PHF20L1: variants seen among roughly 807,000 people sequenced by gnomAD.
PHF20L1 encodes PHD finger protein 20 like 1, also known as PHD finger protein 20-like protein 1.
A neutral mutation model predicts 125.5 loss-of-function variants in PHF20L1; 44 were observed. The observed-to-expected ratio is 0.35, with a 90% CI of 0.28 to 0.45. The LOEUF is 0.45. PHF20L1 is among the 20% of genes least tolerant of loss of function. PHF20L1 has a pLI of 1.00. For missense variants in PHF20L1, 1,012 were observed against 1,217.2 expected (o/e 0.83, Z 2.51); for synonymous variants, 380 against 403.1 (o/e 0.94, Z 0.69).
In PHF20L1 at chr8:132,832,370, CA is replaced by C. The variant is rs1372904781; in HGVS notation, c.1882del (p.Ile628PhefsTer14). ...EKTTTYQYPRAILSVDLSGEN... is the reference protein window; with the variant it reads ...EKTTTYQYPRXILSVDLSGEN... ...ACTACAACCTATCAGTACCCAAGGG[CA>C]ATTCTATCCGTTGATCTTAGTGGTG... On this transcript the variant is annotated frameshift_variant, in exon 15 of 21. Transcript: ENST00000395386. LOFTEE classifies it high-confidence loss of function. 1 of 1,611,734 alleles carries C rather than the reference CA, an allele frequency of 6.2e-7. No individual in the cohort carries two copies. The highest frequency in any genetic ancestry group is 8.5e-7 in the Non-Finnish European group (1 of 1,178,462).
Position 132,836,630 on chromosome 8 carries a change from A to G in PHF20L1, c.2000A>G (p.Asn667Ser), listed in dbSNP as rs1342606856. The stretch of plus-strand genomic sequence containing the variant: ...TACAATCAGGACTTTGATTCAACCA[A>G]TTTTGAGGAATCTCAGGATGAGGAT... ...DEYNQDFDST[N>S]FEESQDEDDA... Residue 667 changes from asparagine (N) to serine (S), a missense_variant, in exon 16 of 21, where the codon AAT becomes AGT. Physicochemically the swap from Asn to Ser is conservative, Grantham distance 46. This residue lies in a region of PHF20L1 where 320 missense variants were observed against 293.8 expected (regional missense o/e 1.09). Transcript: ENST00000395386. The G allele has an allele frequency of 1.2e-6, 2 of 1,613,050 alleles. No homozygotes were observed. Among genetic ancestry groups the G allele is most frequent in the South Asian group, 1.1e-5 (1 of 91,050 alleles).
At chr8:132,833,656 T>C (rs570337700) in intron 15 of PHF20L1, among the ~76,000 whole-genome samples, 18 of 152,192 alleles carry the variant, frequency 1.2e-4, no homozygotes, top group African/African-American at 3.9e-4. Context: ...ATCATCAAGA[T>C]CTGAAGATTA....
rs986860079 is a variant in PHF20L1 at position 132,847,749 on chromosome 8, T to C, written c.*1826T>C. 1 of 152,634 alleles carries C rather than the reference T, an allele frequency of 6.6e-6. No homozygotes were observed. Among genetic ancestry groups the C allele is most frequent in the African/African-American group, 2.4e-5 (1 of 41,460 alleles). 9.5% of individuals were successfully genotyped at this position (152,634 alleles called of 1,614,324 possible). ...TATCATCCTGTGTATTTACTTGTCA[T>C]ACTTTAACTTTGTGAAAGATCTTAC... On this transcript the variant is annotated 3_prime_UTR_variant, in exon 21 of 21. Coordinates refer to ENST00000395386, the MANE Select transcript of PHF20L1 (RefSeq NM_016018.5).
intron 12 of PHF20L1, among the ~76,000 whole-genome samples, chr8:132,820,721 C>G (rs1835487928): frequency 6.6e-6 from 1 of 151,846 alleles, no homozygotes; most frequent in Non-Finnish European, 1.5e-5. Context: ...TTTTACTTAT[C>G]ATTAATCAGG....
chr8:132,776,559 C>G (rs1829797395), intron 1 of PHF20L1, among the ~76,000 whole-genome samples: 1 of 152,186 alleles, frequency 6.6e-6, no homozygotes, highest in Non-Finnish European at 1.5e-5. Context: ...GATACCCACT[C>G]TCCCCCTCCA....
intron 15 of PHF20L1, among the ~76,000 whole-genome samples, chr8:132,835,370 CG>C (rs1837241069): frequency 6.6e-6 from 1 of 152,092 alleles, no homozygotes; most frequent in African/African-American, 2.4e-5. Context: ...CAGCATTATA[CG>C]ATGTTCTGTT....
intron 2 of PHF20L1, chr8:132,789,037 G>A (rs1024127204): frequency 9.2e-5 from 14 of 152,190 alleles, no homozygotes; most frequent in Middle Eastern, 3.4e-3. Context: ...AGTTAATAAT[G>A]TGAGCCAGAA....
At chr8:132,784,843 T>C (rs561591829) in intron 2 of PHF20L1, among the ~76,000 whole-genome samples, 20 of 152,302 alleles carry the variant, frequency 1.3e-4, no homozygotes, top group African/African-American at 4.8e-4. Context: ...GTTGTGAGTA[T>C]ATGTCTGGCA....
chr8:132,826,162 A>G (rs1281947870), intron 14 of PHF20L1: 2 of 152,138 alleles, frequency 1.3e-5, no homozygotes, highest in African/African-American at 2.4e-5. Context: ...AAATCTAACA[A>G]TGTGTTAAAA....
At chr8:132,779,606 T>C (rs898824211) in intron 2 of PHF20L1, among the ~76,000 whole-genome samples, 2 of 152,222 alleles carry the variant, frequency 1.3e-5, no homozygotes, top group Non-Finnish European at 2.9e-5. Context: ...TGAGCTAGCT[T>C]CCAGTTTTGG....
Position 132,823,984 on chromosome 8 carries a change from A to T in PHF20L1, c.1580-20A>T, listed in dbSNP as rs1419206507. ...TAAGTTTTTCTGATTAAACTTACATATTTTTCCCCTAACCCACAGGAATAT... is the reference window on the plus strand; with the variant it reads ...TAAGTTTTTCTGATTAAACTTACATTTTTTTCCCCTAACCCACAGGAATAT... On this transcript the variant is annotated intron_variant, in intron 12 of 20. Coordinates refer to ENST00000395386, the MANE Select transcript of PHF20L1 (RefSeq NM_016018.5). 1 of 1,496,684 alleles carries T rather than the reference A, an allele frequency of 6.7e-7. No homozygotes were observed. Among genetic ancestry groups the T allele is most frequent in the African/African-American group, 1.4e-5 (1 of 70,916 alleles). 92.7% of individuals were successfully genotyped at this position (1,496,684 alleles called of 1,614,324 possible).
intron 13 of PHF20L1, 152 bp from the exon 14 acceptor site, chr8:132,825,112 G>T (rs953758705): frequency 6.5e-7 from 1 of 1,536,332 alleles, no homozygotes; most frequent in Non-Finnish European, 8.9e-7. Flanking sequence ...AGGACTTCCA[G>T]AGTCATGACA....
intron 8 of PHF20L1, chr8:132,808,685 A>G (rs1304658516): frequency 6.6e-6 from 1 of 152,108 alleles, no homozygotes; most frequent in East Asian, 1.9e-4. Context: ...AATATTCAGT[A>G]CTGTATCTTT....
intron 7 of PHF20L1, among the ~76,000 whole-genome samples, chr8:132,804,284 C>G (rs1833425114): frequency 6.6e-6 from 1 of 151,858 alleles, no homozygotes; most frequent in African/African-American, 2.4e-5. Context: ...TGATTTATAA[C>G]TTCTTGATAG....
chr8:132,812,833 A>G (rs1413416632), intron 9 of PHF20L1: 6 of 980,484 alleles, frequency 6.1e-6, no homozygotes, highest in Non-Finnish European at 7.3e-6. Flanking sequence ...CACTCATGAC[A>G]TAGATTGATA....
chr8:132,805,025 T>C (rs140509075), intron 8 of PHF20L1, among the ~76,000 whole-genome samples: 1 of 152,068 alleles, frequency 6.6e-6, no homozygotes, highest in East Asian at 1.9e-4. Flanking sequence ...ATTACATTTG[T>C]GGTAGTAGTA....
intron 5 of PHF20L1, 77 bp from the exon 6 acceptor site, chr8:132,799,017 TA>T: frequency 3.0e-6 from 4 of 1,324,376 alleles, no homozygotes; most frequent in Non-Finnish European, 4.3e-6. Context: ...GCTTAGACTG[TA>T]AAATAAATTA....
intron 18 of PHF20L1, chr8:132,842,281 G>A (rs911536273): frequency 2.7e-6 from 1 of 370,170 alleles, no homozygotes; most frequent in Admixed American, 4.2e-5. Flanking sequence ...AAATGATGAT[G>A]TGAACTATCA....
intron 17 of PHF20L1, chr8:132,839,131 C>A: frequency 2.3e-6 from 1 of 428,634 alleles, no homozygotes; most frequent in Non-Finnish European, 4.2e-6. Context: ...GCAGTACACT[C>A]AAGGTTCCCT....
Sources: allele counts gnomAD v4.1 joint callset (sites outside exome capture counted in the v4.1 genomes callset), GRCh38; gene constraint gnomAD v4.1.1; regional missense constraint gnomAD v4.1.1; transcripts MANE v1.5; gene names NCBI Gene and HGNC (gene_info 2026-07-23, HGNC 2026-07-21).